BCL2L11: variants seen among roughly 807,000 people sequenced by gnomAD.
The protein encoded by BCL2L11 is bcl-2-like protein 11.
In BCL2L11, 15 loss-of-function variants were observed where a neutral mutation model predicts 20.6. The ratio of observed to expected loss-of-function variants is 0.73; its 90% CI spans 0.49 to 1.12. The LOEUF (loss-of-function observed/expected upper bound fraction) is 1.12. BCL2L11 is among the 50% of genes most tolerant of loss of function. The probability of loss-of-function intolerance (pLI) is 0.00; values close to 1 mark genes in which losing one functional copy is unlikely to be tolerated. For synonymous variants in BCL2L11, 108 were observed against 92.8 expected, an observed-to-expected ratio of 1.16 and a Z score of -0.94; for missense variants, 292 against 260.9, an observed-to-expected ratio of 1.12 and a Z score of -0.82.
intron 2 of BCL2L11, among the ~76,000 whole-genome samples, chr2:111,141,474 T>C (rs1182818841): frequency 3.4e-3 from 399 of 118,068 alleles, no homozygotes; most frequent in East Asian, 5.7e-3. Flanking sequence ...TGAGATCACA[T>C]GGACACAGGA....
At chr2:111,136,153 G>A (rs562709695) in intron 2 of BCL2L11, among the ~76,000 whole-genome samples, 8 of 152,296 alleles carry the variant, frequency 5.3e-5, no homozygotes, top group African/African-American at 1.9e-4. Flanking sequence ...TCTGTTGTTA[G>A]GTCACCCTCT....
intron 1 of BCL2L11, among the ~76,000 whole-genome samples, chr2:111,121,810 C>T (rs191039294): frequency 8.9e-4 from 136 of 152,338 alleles, no homozygotes; most frequent in African/African-American, 3.1e-3. Context: ...GCGGCCTGTG[C>T]CATCCGCACG....
At chr2:111,149,761 A>C (rs2150496847) in intron 2 of BCL2L11, among the ~76,000 whole-genome samples, 1 of 152,332 alleles carries the variant, frequency 6.6e-6, no homozygotes, top group Admixed American at 6.5e-5. Flanking sequence ...TGGAAATGGA[A>C]GTGTGTATGA....
intron 1 of BCL2L11, chr2:111,123,428 C>G: frequency 1.0e-6 from 1 of 985,482 alleles, no homozygotes; most frequent in Non-Finnish European, 1.2e-6. Context: ...CTGTCCTGGG[C>G]AAAGAGCACA....
chr2:111,149,911 G>T (rs2077041501), intron 2 of BCL2L11, 133 bp from the exon 3 acceptor site: 1 of 655,524 alleles, frequency 1.5e-6, no homozygotes, highest in Non-Finnish European at 2.6e-6. Flanking sequence ...GGCTGTAGTT[G>T]TTGAAGTCAG....
chr2:111,144,552 G>C, intron 2 of BCL2L11: 1 of 1,547,864 alleles, frequency 6.5e-7, no homozygotes, highest in African/African-American at 1.4e-5. Context: ...AAGGGGGCTG[G>C]TCTGTTGCTT....
intron 1 of BCL2L11, chr2:111,122,738 C>G: frequency 1.0e-6 from 1 of 983,994 alleles, no homozygotes; most frequent in Non-Finnish European, 1.2e-6. Context: ...AGCGCGGCGG[C>G]GGGCTGGCGG....
chr2:111,151,746 T>C, intron 3 of BCL2L11: 4 of 1,187,748 alleles, frequency 3.4e-6, no homozygotes. Context: ...AGGAGAGTGC[T>C]GTAGTAATGA....
At chr2:111,142,018 A>G (rs557594894) in intron 2 of BCL2L11, among the ~76,000 whole-genome samples, 1 of 152,166 alleles carries the variant, frequency 6.6e-6, no homozygotes, top group Non-Finnish European at 1.5e-5. Flanking sequence ...TCCCAATTCT[A>G]TCTGTATCAC....
At chr2:111,127,779 T>G (rs1181752192) in intron 2 of BCL2L11, among the ~76,000 whole-genome samples, 1 of 152,136 alleles carries the variant, frequency 6.6e-6, no homozygotes, top group Non-Finnish European at 1.5e-5. Context: ...CATTAAGCAC[T>G]TGACATAGGA....
At chr2:111,150,881 CTTTTG>C (rs1275925414) in intron 3 of BCL2L11, among the ~76,000 whole-genome samples, 3 of 133,448 alleles carry the variant, frequency 2.2e-5, no homozygotes, top group East Asian at 2.3e-4. Context: ...ACATGGGACA[CTTTTG>C]TTTGTTTGTT....
chr2:111,147,701 G>A (rs933601168), intron 2 of BCL2L11, among the ~76,000 whole-genome samples: 3 of 152,186 alleles, frequency 2.0e-5, no homozygotes, highest in South Asian at 2.1e-4. Flanking sequence ...GCCCAAGCAC[G>A]AGCCATGTGG....
At chr2:111,147,542 CTT>C (rs2076723454) in intron 2 of BCL2L11, among the ~76,000 whole-genome samples, 1 of 152,204 alleles carries the variant, frequency 6.6e-6, no homozygotes, top group African/African-American at 2.4e-5. Context: ...GCATTTATCT[CTT>C]AAGATGAGTA....
At chr2:111,136,418 A>G (rs535169561) in intron 2 of BCL2L11, among the ~76,000 whole-genome samples, 1 of 152,122 alleles carries the variant, frequency 6.6e-6, no homozygotes, top group Non-Finnish European at 1.5e-5. Context: ...TCGGGTTTTC[A>G]GTTGGGAGAG....
chr2:111,161,572 A>C, intron 3 of BCL2L11: 9 of 1,525,892 alleles, frequency 5.9e-6, no homozygotes, highest in Non-Finnish European at 7.9e-6. Flanking sequence ...GTCTTAGCCC[A>C]TGTTAGATGC....
intron 3 of BCL2L11, among the ~76,000 whole-genome samples, chr2:111,152,578 CTGGCA>C (rs111659200): frequency 4.4e-4 from 67 of 152,350 alleles, no homozygotes; most frequent in African/African-American, 1.6e-3. Flanking sequence ...TAGGCTAAGG[CTGGCA>C]TGGGGACTGG....
intron 2 of BCL2L11, chr2:111,144,456 G>A (rs1426687943): frequency 1.2e-5 from 18 of 1,550,180 alleles, no homozygotes; most frequent in African/African-American, 8.2e-5. Flanking sequence ...TACCGCAAAC[G>A]CTGATGGCAG....
At chr2:111,156,141 A>G (rs558758365) in intron 3 of BCL2L11, among the ~76,000 whole-genome samples, 11 of 128,196 alleles carry the variant, frequency 8.6e-5, no homozygotes, top group African/African-American at 2.1e-4. Flanking sequence ...TAATTGCACA[A>G]ACTGAACACA....
intron 1 of BCL2L11, among the ~76,000 whole-genome samples, chr2:111,121,919 C>T (rs1197809107): frequency 1.3e-5 from 2 of 152,198 alleles, no homozygotes; most frequent in African/African-American, 4.8e-5. Context: ...CTGGGCCGGG[C>T]TATCTTAGCG....
Sources: gnomAD v4.1 joint callset for allele counts (sites outside exome capture counted in the v4.1 genomes callset) on GRCh38, gnomAD v4.1.1 for gene constraint, MANE v1.5 for transcripts, NCBI Gene and HGNC (gene_info 2026-07-23, HGNC 2026-07-21) for gene names.